Variants in ACACA observed in about 807,000 individuals in gnomAD.
ACACA encodes the protein acetyl-CoA carboxylase 1.
A neutral mutation model predicts 296.1 loss-of-function variants in ACACA; 103 were observed. The observed-to-expected ratio is 0.35, with a 90% CI of 0.30 to 0.41. The LOEUF (loss-of-function observed/expected upper bound fraction) is 0.41, where lower values mean the gene tolerates loss of function less well. Ranked by LOEUF, ACACA falls within the 10% of genes least tolerant of loss-of-function variation. The pLI is 1.00. For missense variants in ACACA, 1,554 were observed against 2,989.7 expected (o/e 0.52, Z 11.20); for synonymous variants, 953 against 1,038.6 (o/e 0.92, Z 1.58).
intron 19 of ACACA, 97 bp from the exon 20 acceptor site, chr17:37,245,311 C>G: frequency 7.8e-7 from 1 of 1,274,370 alleles, no homozygotes; most frequent in Non-Finnish European, 1.1e-6. Flanking sequence ...TAAGTTGGAC[C>G]ACACCTAATT....
intron 45 of ACACA, among the ~76,000 whole-genome samples, chr17:37,147,763 G>C (rs1375607872): frequency 6.6e-6 from 1 of 152,138 alleles, no homozygotes; most frequent in East Asian, 1.9e-4. Flanking sequence ...GTAAGTTAAA[G>C]CTATAGCTTT....
intron 51 of ACACA, 132 bp downstream of exon 51, chr17:37,112,956 G>T: frequency 8.9e-7 from 1 of 1,122,114 alleles, no homozygotes. Flanking sequence ...GACTGTAATG[G>T]AAGGAAAAAG....
intron 40 of ACACA, among the ~76,000 whole-genome samples, chr17:37,180,377 TAC>T (rs1225612777): frequency 1.3e-5 from 2 of 152,334 alleles, no homozygotes; most frequent in East Asian, 3.9e-4. Flanking sequence ...ACAGGAATTC[TAC>T]ACAGACTATT....
chr17:37,159,282 C>T (rs527560053), intron 42 of ACACA, among the ~76,000 whole-genome samples: 12 of 152,152 alleles, frequency 7.9e-5, no homozygotes, highest in Admixed American at 5.2e-4. Flanking sequence ...TACAATGGCA[C>T]GATCCTGGCT....
At chr17:37,232,115 C>A (rs1892238572) in intron 25 of ACACA, among the ~76,000 whole-genome samples, 1 of 152,150 alleles carries the variant, frequency 6.6e-6, no homozygotes, top group South Asian at 2.1e-4. Flanking sequence ...GTTATGCTAA[C>A]ACCTGGAGAG....
chr17:37,368,532 A>G (rs1284323705), intron 1 of ACACA, among the ~76,000 whole-genome samples: 2 of 146,758 alleles, frequency 1.4e-5, no homozygotes, highest in African/African-American at 2.5e-5. Flanking sequence ...AGTGAGCCAA[A>G]ATTGCGCCAT....
Position 37,113,251 on chromosome 17 carries a change from C to T in ACACA, c.6289G>A (p.Val2097Met). 1.2e-6 allele frequency: 2 copies of T among 1,614,212 alleles called. No individual in the cohort carries two copies. Among genetic ancestry groups the T allele is most frequent in the Non-Finnish European group, 1.7e-6 (2 of 1,180,016 alleles). ...ACAATGTAAGCACCAAACTTCAGCACTTGGTCGTACATATCTATGGAGAAT... is the reference window on the plus strand; with the variant it reads ...ACAATGTAAGCACCAAACTTCAGCATTTGGTCGTACATATCTATGGAGAAT... The part of the protein sequence containing the change: ...SGGMKDMYDQ[V>M]LKFGAYIVDG... Residue 2097 changes from valine (V) to methionine (M), a missense_variant, in exon 51 of 56, where the codon GTG (valine) becomes ATG (methionine). By Grantham distance (21) the Val-to-Met change is conservative. This residue lies in a region of ACACA where 553 missense variants were observed against 1,043.6 expected (regional missense o/e 0.53). Coordinates refer to ENST00000616317, the MANE Select transcript of ACACA (RefSeq NM_198834.3). This position sits in a 1 kb window ranked among gnomAD's most constrained non-coding sequence, Gnocchi z 4.0.
intron 1 of ACACA, chr17:37,367,694 TTCTC>T (rs1459047988): frequency 2.6e-5 from 4 of 152,212 alleles, no homozygotes; most frequent in African/African-American, 9.6e-5. Flanking sequence ...ACTTTCCCCT[TTCTC>T]TCCATGTTCC....
chr17:37,156,250 C>G (rs138813713), intron 42 of ACACA, among the ~76,000 whole-genome samples: 4 of 151,398 alleles, frequency 2.6e-5, no homozygotes, highest in Admixed American at 6.6e-5. Flanking sequence ...TTTTTAGTAG[C>G]GACAGGGTTT....
intron 41 of ACACA, among the ~76,000 whole-genome samples, chr17:37,173,991 TA>T: frequency 1.2e-4 from 1 of 8,504 alleles, no homozygotes; most frequent in Non-Finnish European, 2.0e-4. Context: ...TTTATATATA[TA>T]TATATATATA....
chr17:37,140,847 T>G (rs540192728), intron 45 of ACACA: 9 of 244,878 alleles, frequency 3.7e-5, no homozygotes, highest in Admixed American at 1.5e-4. Flanking sequence ...CTGGCCATCA[T>G]CAGCAGCTTC....
intron 1 of ACACA, among the ~76,000 whole-genome samples, chr17:37,364,078 G>A (rs1158013473): frequency 6.6e-6 from 1 of 151,942 alleles, no homozygotes; most frequent in Non-Finnish European, 1.5e-5. Context: ...AGCCGAGATC[G>A]TGCCACTGCA....
At chr17:37,149,014 T>C (rs1597976364) in intron 45 of ACACA, among the ~76,000 whole-genome samples, 1 of 152,226 alleles carries the variant, frequency 6.6e-6, no homozygotes, top group East Asian at 1.9e-4. Flanking sequence ...ATTATACTTT[T>C]CTGGCCCTGA....
intron 3 of ACACA, among the ~76,000 whole-genome samples, chr17:37,318,988 T>A (rs1334567035): frequency 6.6e-6 from 1 of 152,202 alleles, no homozygotes; most frequent in East Asian, 1.9e-4. Flanking sequence ...TAATACCAAT[T>A]GTTGCTCTGT....
At chr17:37,291,380 T>C (rs2083059338) in intron 3 of ACACA, among the ~76,000 whole-genome samples, 1 of 151,960 alleles carries the variant, frequency 6.6e-6, no homozygotes, top group Non-Finnish European at 1.5e-5. Flanking sequence ...TTCTCTATGT[T>C]GGTCAGGCTG....
At chr17:37,197,274 G>A (rs762255943) in intron 35 of ACACA, among the ~76,000 whole-genome samples, 6 of 152,160 alleles carry the variant, frequency 3.9e-5, no homozygotes, top group Non-Finnish European at 8.8e-5. Context: ...GCCCTCATTT[G>A]TCTTATTCTG....
intron 1 of ACACA, among the ~76,000 whole-genome samples, chr17:37,356,425 C>A (rs1288045996): frequency 6.6e-6 from 1 of 152,006 alleles, no homozygotes; most frequent in Non-Finnish European, 1.5e-5. Flanking sequence ...GTCACCCAGG[C>A]TGGAGTACAG....
At chr17:37,394,242 G>A (rs906944979) in intron 1 of ACACA, among the ~76,000 whole-genome samples, 9 of 147,792 alleles carry the variant, frequency 6.1e-5, no homozygotes, top group South Asian at 2.1e-4. Context: ...ATGCAGTTTC[G>A]CTCTGTTGCC....
Position 37,181,205 on chromosome 17 carries a change from C to T in ACACA, c.4928G>A (p.Arg1643Gln), listed in dbSNP as rs939295390. 3 of 1,614,004 alleles carry T rather than the reference C, an allele frequency of 1.9e-6. No individual in the cohort carries two copies. The highest frequency in any genetic ancestry group is 1.3e-5 in the African/African-American group (1 of 74,924). The change falls in exon 40 of 56, where the codon CGG becomes CAG. Residue 1643 changes from arginine to glutamine, a missense_variant. Physicochemically the swap from Arg to Gln is conservative, Grantham distance 43 (BLOSUM62 1). Coordinates refer to ENST00000616317, the MANE Select transcript of ACACA (RefSeq NM_198834.3). ...TYIYDIPEMF[R>Q]QSLIKLWESM... ...CCCTCCAGTTAGGCATCTTACCTGCCGAAACATCTCTGGGATATCATATAT... is the reference window on the plus strand; with the variant it reads ...CCCTCCAGTTAGGCATCTTACCTGCTGAAACATCTCTGGGATATCATATAT...
Sources: allele counts gnomAD v4.1 joint callset (sites outside exome capture counted in the v4.1 genomes callset), GRCh38; gene constraint gnomAD v4.1.1; regional missense constraint gnomAD v4.1.1; non-coding constraint Gnocchi (gnomAD v3.1); transcripts MANE v1.5; gene names NCBI Gene and HGNC (gene_info 2026-07-23, HGNC 2026-07-21).